Variants in NRG3 observed in about 807,000 individuals in gnomAD.
The protein encoded by NRG3 is pro-neuregulin-3, membrane-bound isoform.
Under a neutral mutation model 66.9 loss-of-function variants are expected in NRG3, and 31 were observed. The observed-to-expected ratio is 0.46, with a 90% CI of 0.35 to 0.63. The LOEUF (loss-of-function observed/expected upper bound fraction) is 0.63, where lower values mean the gene tolerates loss of function less well. Among genes scored for constraint, NRG3 ranks in the 20% least tolerant of loss-of-function variants. The probability of loss-of-function intolerance (pLI) is 0.00; values close to 1 mark genes in which losing one functional copy is unlikely to be tolerated. For synonymous variants in NRG3, 393 were observed against 359.4 expected, an observed-to-expected ratio of 1.09 and a Z score of -1.06; for missense variants, 910 against 878.9, an observed-to-expected ratio of 1.04 and a Z score of -0.45.
At chr10:82,961,040 G>A (rs1017423939) in intron 6 of NRG3, among the ~76,000 whole-genome samples, 2 of 152,052 alleles carry the variant, frequency 1.3e-5, no homozygotes, top group African/African-American at 2.4e-5. Flanking sequence ...AATACTGCTG[G>A]AATTAATAAA....
intron 2 of NRG3, among the ~76,000 whole-genome samples, chr10:82,630,845 G>T (rs2049777694): frequency 6.6e-6 from 1 of 152,016 alleles, no homozygotes; most frequent in Admixed American, 6.6e-5. Context: ...TCTTCTGATT[G>T]TTGGACAACA....
At position 81,970,975 on chromosome 10, in the gene NRG3, A is replaced by G. The variant is rs147339325; in HGVS notation, c.823+94812A>G. Among the ~76,000 whole-genome samples, 22 of 152,248 alleles carry G rather than the reference A, an allele frequency of 1.4e-4. No individual in the cohort carries two copies. The East Asian group carries it at 4.2e-3, about 29-fold the overall frequency. On this transcript the variant is annotated intron_variant, in intron 1 of 8. Coordinates refer to ENST00000372141, the MANE Select transcript of NRG3 (RefSeq NM_001010848.4). ...GCCAACATGGTGAAACCCTGTCTCT[A>G]CTAAAGATACAAAAATTAGTTGGGC...
chr10:82,104,213 C>A (rs143105045), intron 1 of NRG3, among the ~76,000 whole-genome samples: 9 of 152,098 alleles, frequency 5.9e-5, no homozygotes, highest in Admixed American at 6.6e-5. Context: ...TTGGCAATAG[C>A]AGGCTTATAG....
At chr10:82,273,229 A>T (rs985361956) in intron 1 of NRG3, among the ~76,000 whole-genome samples, 1 of 151,918 alleles carries the variant, frequency 6.6e-6, no homozygotes, top group African/African-American at 2.4e-5. Context: ...CTTCACCTGT[A>T]TACATTATTT....
intron 1 of NRG3, among the ~76,000 whole-genome samples, chr10:82,270,553 T>C (rs1026956630): frequency 6.6e-6 from 1 of 152,122 alleles, no homozygotes; most frequent in Non-Finnish European, 1.5e-5. Context: ...ATTATATTCA[T>C]TTCTTTTGAT....
intron 2 of NRG3, among the ~76,000 whole-genome samples, chr10:82,657,615 T>G (rs1464552689): frequency 6.6e-6 from 1 of 151,770 alleles, no homozygotes; most frequent in South Asian, 2.1e-4. Context: ...ATATTCACCC[T>G]GGGGAAATAC....
chr10:82,615,037 T>G (rs1265495974), intron 2 of NRG3, among the ~76,000 whole-genome samples: 2 of 152,190 alleles, frequency 1.3e-5, no homozygotes, highest in African/African-American at 4.8e-5. Context: ...TCTATACACC[T>G]GTTCTAGTTA....
At chr10:82,975,913 T>A (rs1364259024) in intron 7 of NRG3, among the ~76,000 whole-genome samples, 1 of 152,192 alleles carries the variant, frequency 6.6e-6, no homozygotes, top group African/African-American at 2.4e-5. Context: ...GGATAACTCA[T>A]ATATGAAACA....
chr10:82,854,856 CTCTTT>C (rs1024491723), intron 3 of NRG3, among the ~76,000 whole-genome samples: 5 of 152,166 alleles, frequency 3.3e-5, no homozygotes, highest in African/African-American at 1.2e-4. Flanking sequence ...CATGGATCTT[CTCTTT>C]TCTTAAGTCA....
At chr10:82,460,709 G>A (rs1035658062) in intron 2 of NRG3, among the ~76,000 whole-genome samples, 3 of 152,056 alleles carry the variant, frequency 2.0e-5, no homozygotes, top group African/African-American at 7.2e-5. Flanking sequence ...AAGTTCCAAG[G>A]GAGCACAGAT....
Position 82,714,927 on chromosome 10 carries a change from C to T in NRG3, c.954-23650C>T, listed in dbSNP as rs115584193. Among the ~76,000 whole-genome samples, 1,057 of 152,066 alleles carry T rather than the reference C, an allele frequency of 7.0e-3. 9 individuals are homozygous for T. Among genetic ancestry groups the T allele is most frequent in the African/African-American group, 0.024 (978 of 41,472 alleles). On this transcript the variant is annotated intron_variant, in intron 2 of 8. Transcript: ENST00000372141. Reference sequence around the variant, plus strand: ...TATTATTTCTGTGTATTCTTAAACACAAAAATGAAAAATAAAAATCACTCC... The same window carrying T: ...TATTATTTCTGTGTATTCTTAAACATAAAAATGAAAAATAAAAATCACTCC...
chr10:82,595,141 CA>C (rs1410386318), intron 2 of NRG3, among the ~76,000 whole-genome samples: 1 of 151,900 alleles, frequency 6.6e-6, no homozygotes, highest in African/African-American at 2.4e-5. Context: ...CTCATGATTC[CA>C]AAGTTTATGC....
chr10:81,875,940 C>T lies in NRG3; in HGVS notation c.600C>T (p.Phe200=). The change falls in exon 1 of 9, where the codon TTC becomes TTT. Residue 200 remains phenylalanine, a synonymous_variant. Coordinates refer to ENST00000372141, the MANE Select transcript of NRG3 (RefSeq NM_001010848.4). The surrounding 1 kb of genome is among the most constrained non-coding windows in gnomAD (Gnocchi z 5.3). ...PATVPSTTAP[F]FSSSTLGSRP... ...CGGTCCCGTCCACCACGGCCCCGTT[C>T]TTCAGTAGCAGCACGCTGGGCTCCC... 1.2e-6 allele frequency: 2 copies of T among 1,613,800 alleles called. No homozygotes were observed. Among genetic ancestry groups the T allele is most frequent in the Non-Finnish European group, 1.7e-6 (2 of 1,180,026 alleles).
chr10:82,682,132 G>A (rs1344073442), intron 2 of NRG3, among the ~76,000 whole-genome samples: 2 of 152,352 alleles, frequency 1.3e-5, no homozygotes, highest in African/African-American at 4.8e-5. Context: ...GGTGACTAGA[G>A]TAGGAGGAGG....
intron 1 of NRG3, among the ~76,000 whole-genome samples, chr10:82,247,547 G>A (rs1355304532): frequency 6.6e-6 from 1 of 152,134 alleles, no homozygotes; most frequent in Non-Finnish European, 1.5e-5. Context: ...GGTTTGGAGA[G>A]ACACAAACCT....
intron 2 of NRG3, among the ~76,000 whole-genome samples, chr10:82,452,409 A>G (rs1411323687): frequency 1.3e-5 from 2 of 152,234 alleles, no homozygotes; most frequent in African/African-American, 4.8e-5. Context: ...TAATGTATAG[A>G]ACACAATTTA....
At chr10:82,880,822 C>T (rs760676400) in intron 4 of NRG3, among the ~76,000 whole-genome samples, 5 of 152,132 alleles carry the variant, frequency 3.3e-5, no homozygotes, top group Non-Finnish European at 7.3e-5. Context: ...CTATAAACAT[C>T]GTATTTGTTG....
chr10:82,298,186 T>C (rs575196796), intron 1 of NRG3, among the ~76,000 whole-genome samples: 1 of 129,294 alleles, frequency 7.7e-6, no homozygotes, highest in African/African-American at 3.0e-5. Context: ...AAGAGAGAGA[T>C]AATGACAGAG....
intron 1 of NRG3, among the ~76,000 whole-genome samples, chr10:82,134,153 G>A (rs1430791136): frequency 6.6e-6 from 1 of 152,054 alleles, no homozygotes; most frequent in Middle Eastern, 3.2e-3. Context: ...ATAGGTGCTG[G>A]ATATTAGACC....
Sources: allele counts gnomAD v4.1 joint callset (sites outside exome capture counted in the v4.1 genomes callset), GRCh38; gene constraint gnomAD v4.1.1; non-coding constraint Gnocchi (gnomAD v3.1); transcripts MANE v1.5; gene names NCBI Gene and HGNC (gene_info 2026-07-23, HGNC 2026-07-21).